RUNX1T1: variants seen among roughly 807,000 people sequenced by gnomAD.
RUNX1T1 encodes RUNX1 partner transcriptional co-repressor 1, also known as protein CBFA2T1.
A neutral mutation model predicts 62.8 loss-of-function variants in RUNX1T1; 4 were observed. The observed-to-expected ratio is 0.06, with a 90% CI of 0.03 to 0.15. RUNX1T1 has a LOEUF of 0.15. RUNX1T1 is among the 10% of genes least tolerant of loss of function. RUNX1T1 has a pLI of 1.00. For synonymous variants in RUNX1T1, 291 were observed against 286.0 expected, an observed-to-expected ratio of 1.02 and a Z score of -0.18; for missense variants, 508 against 754.3, an observed-to-expected ratio of 0.67 and a Z score of 3.82.
At chr8:92,079,253 C>A (rs1183028746) in intron 1 of RUNX1T1, among the ~76,000 whole-genome samples, 3 of 152,162 alleles carry the variant, frequency 2.0e-5, no homozygotes, top group Admixed American at 1.3e-4. Flanking sequence ...CATTTTATAT[C>A]ATAAAAGCTA....
rs1192780475 is a variant in RUNX1T1 at position 91,963,632 on chromosome 8, A to C, written c.1459-3115T>G. Among the ~76,000 whole-genome samples, 7 of 152,272 alleles carry C rather than the reference A, an allele frequency of 4.6e-5. No individual in the cohort carries two copies. In the South Asian group the frequency reaches 1.2e-3, roughly 27 times the overall value. On this transcript the variant is annotated intron_variant, in intron 10 of 10. Transcript: ENST00000396218. ...GCGGAAGGTGCAGAATCTTTTGAGT[A>C]CTCCAATTTGGATCATTCTAAGCTT...
intron 10 of RUNX1T1, among the ~76,000 whole-genome samples, chr8:91,965,152 G>A (rs143082430): frequency 2.0e-5 from 3 of 152,138 alleles, no homozygotes; most frequent in Admixed American, 2.0e-4. Context: ...AAGGCTGATG[G>A]TCCCATTCAA....
intron 6 of RUNX1T1, among the ~76,000 whole-genome samples, chr8:91,991,008 G>C (rs781222731): frequency 6.6e-6 from 1 of 152,162 alleles, no homozygotes; most frequent in African/African-American, 2.4e-5. Flanking sequence ...TGAACACAGG[G>C]AAATAGAACA....
chr8:92,025,903 C>CCA (rs1267094768), intron 1 of RUNX1T1, among the ~76,000 whole-genome samples: 1 of 152,124 alleles, frequency 6.6e-6, no homozygotes, highest in Non-Finnish European at 1.5e-5. Flanking sequence ...CTCTCAGTAA[C>CCA]CACATATTTC....
At chr8:92,061,110 T>C (rs1831965726) in intron 1 of RUNX1T1, among the ~76,000 whole-genome samples, 1 of 152,236 alleles carries the variant, frequency 6.6e-6, no homozygotes, top group Non-Finnish European at 1.5e-5. Context: ...TAGCTAGAAG[T>C]AGCAAGGGTC....
intron 2 of RUNX1T1, among the ~76,000 whole-genome samples, chr8:92,069,719 CAA>C (rs763951770): frequency 6.6e-6 from 1 of 152,052 alleles, no homozygotes; most frequent in African/African-American, 2.4e-5. Context: ...TTTTACCAGG[CAA>C]AAGAGAATTT....
At chr8:92,086,343 G>A (rs535686750) in intron 1 of RUNX1T1, among the ~76,000 whole-genome samples, 1 of 152,200 alleles carries the variant, frequency 6.6e-6, no homozygotes, top group African/African-American at 2.4e-5. Flanking sequence ...CAAATGAGAA[G>A]TTAAGGGTCC....
intron 1 of RUNX1T1, among the ~76,000 whole-genome samples, chr8:92,058,786 A>G (rs1441477790): frequency 1.3e-5 from 2 of 152,220 alleles, no homozygotes; most frequent in African/African-American, 4.8e-5. Context: ...TTAACAATGT[A>G]GTGATAAGAT....
intron 5 of RUNX1T1, among the ~76,000 whole-genome samples, chr8:92,002,545 C>G (rs779793063): frequency 1.3e-5 from 2 of 152,096 alleles, no homozygotes; most frequent in African/African-American, 2.4e-5. Flanking sequence ...TTTAAGCTCC[C>G]AAAGTTGTAA....
chr8:92,060,541 A>ATGTGTGTG (rs1476698430), intron 1 of RUNX1T1, among the ~76,000 whole-genome samples: 3 of 109,380 alleles, frequency 2.7e-5, no homozygotes, highest in African/African-American at 1.0e-4. Context: ...ATATATATAT[A>ATGTGTGTG]TATATATATA....
At chr8:92,004,877 G>A (rs1303742427) in intron 5 of RUNX1T1, 1 of 399,636 alleles carries the variant, frequency 2.5e-6, no homozygotes, top group Non-Finnish European at 4.4e-6. Context: ...TCACCATTTC[G>A]CTTTAATACT....
At chr8:92,058,682 C>T (rs1448941514) in intron 1 of RUNX1T1, among the ~76,000 whole-genome samples, 1 of 152,150 alleles carries the variant, frequency 6.6e-6, no homozygotes, top group Non-Finnish European at 1.5e-5. Flanking sequence ...GCAAGATAAA[C>T]CTTCAAGCTC....
At chr8:91,976,728 T>C (rs1161626525) in intron 8 of RUNX1T1, among the ~76,000 whole-genome samples, 10 of 152,248 alleles carry the variant, frequency 6.6e-5, no homozygotes. Flanking sequence ...GTTCATGGAA[T>C]TAACACAAAA....
intron 5 of RUNX1T1, among the ~76,000 whole-genome samples, chr8:92,000,215 A>C (rs1290646839): frequency 6.6e-6 from 1 of 152,094 alleles, no homozygotes; most frequent in Admixed American, 6.6e-5. Flanking sequence ...CTGAGACAGG[A>C]GAATTGCTTG....
upstream of RUNX1T1, among the ~76,000 whole-genome samples, chr8:92,066,292 T>C (rs903952182): frequency 2.0e-5 from 3 of 152,224 alleles, no homozygotes; most frequent in African/African-American, 4.8e-5. Context: ...GACTCACTCA[T>C]GTCCAGATTT....
chr8:92,073,535 T>C (rs945745487), intron 2 of RUNX1T1, among the ~76,000 whole-genome samples: 11 of 152,164 alleles, frequency 7.2e-5, no homozygotes, highest in Admixed American at 1.3e-4. Context: ...GCTTCTAAAT[T>C]ACAACTCCAA....
chr8:92,076,959 A>G (rs1587501848), intron 1 of RUNX1T1, among the ~76,000 whole-genome samples: 1 of 152,094 alleles, frequency 6.6e-6, no homozygotes, highest in East Asian at 1.9e-4. Flanking sequence ...TCATACACAT[A>G]TAAGGTAGGA....
At chr8:92,091,366 G>T (rs1310858756) in intron 1 of RUNX1T1, among the ~76,000 whole-genome samples, 1 of 152,206 alleles carries the variant, frequency 6.6e-6, no homozygotes, top group Admixed American at 6.5e-5. Flanking sequence ...AATATTAGTA[G>T]TTGTAGGCAA....
upstream of RUNX1T1, chr8:92,103,327 G>T (rs779232675): frequency 5.7e-5 from 11 of 194,474 alleles, no homozygotes; most frequent in Non-Finnish European, 1.1e-4. Context: ...CTGCAGGGCG[G>T]CCGGGCGTCC....
Sources: gnomAD v4.1 joint callset for allele counts (sites outside exome capture counted in the v4.1 genomes callset) on GRCh38, gnomAD v4.1.1 for gene constraint, MANE v1.5 for transcripts, NCBI Gene and HGNC (gene_info 2026-07-23, HGNC 2026-07-21) for gene names.